FTO: variants seen among roughly 807,000 people sequenced by gnomAD.
FTO encodes FTO alpha-ketoglutarate dependent dioxygenase.
A neutral mutation model predicts 63.9 loss-of-function variants in FTO; 47 were observed. That is an observed-to-expected ratio of 0.74 (90% CI 0.58 to 0.94). The LOEUF (loss-of-function observed/expected upper bound fraction) is 0.94. Among genes scored for constraint, FTO ranks in the 40% least tolerant of loss-of-function variants. FTO has a pLI of 0.00. For synonymous variants in FTO, 207 were observed against 224.4 expected, an observed-to-expected ratio of 0.92 and a Z score of 0.69; for missense variants, 562 against 618.1, an observed-to-expected ratio of 0.91 and a Z score of 0.96.
At chr16:53,885,470 T>A (rs540376422) in intron 6 of FTO, among the ~76,000 whole-genome samples, 1 of 152,208 alleles carries the variant, frequency 6.6e-6, no homozygotes, top group Non-Finnish European at 1.5e-5. Flanking sequence ...AAAATTGTGT[T>A]GGGAGAAGGT....
At chr16:54,015,474 A>G (rs1350978306) in intron 8 of FTO, among the ~76,000 whole-genome samples, 1 of 152,216 alleles carries the variant, frequency 6.6e-6, no homozygotes, top group Non-Finnish European at 1.5e-5. Context: ...CTTATAGTTA[A>G]TAACTAACCA....
intron 8 of FTO, among the ~76,000 whole-genome samples, chr16:54,074,092 G>GT (rs543298381): frequency 4.5e-4 from 68 of 150,530 alleles, no homozygotes; most frequent in Admixed American, 2.1e-3. Flanking sequence ...CTCGAAAACT[G>GT]TTTTTTTTAA....
At chr16:53,902,885 G>A (rs1208781458) in intron 7 of FTO, among the ~76,000 whole-genome samples, 1 of 152,196 alleles carries the variant, frequency 6.6e-6, no homozygotes, top group Admixed American at 6.5e-5. Flanking sequence ...AGACTGAGGG[G>A]CGAGGATCAC....
At chr16:53,922,083 A>G (rs1228500907) in intron 7 of FTO, among the ~76,000 whole-genome samples, 1 of 152,222 alleles carries the variant, frequency 6.6e-6, no homozygotes, top group African/African-American at 2.4e-5. Flanking sequence ...ATAGTAAAAT[A>G]AAAACAGTTT....
At chr16:53,727,062 T>A (rs2076172105) in intron 1 of FTO, among the ~76,000 whole-genome samples, 1 of 152,230 alleles carries the variant, frequency 6.6e-6, no homozygotes, top group Non-Finnish European at 1.5e-5. Context: ...CTTCTTTTCT[T>A]TCTTTCTTTC....
At chr16:53,732,602 C>G (rs1173168591) in intron 1 of FTO, among the ~76,000 whole-genome samples, 1 of 152,138 alleles carries the variant, frequency 6.6e-6, no homozygotes, top group Non-Finnish European at 1.5e-5. Flanking sequence ...TATTAGCAGT[C>G]GTGTCAACAT....
chr16:53,894,635 T>TGTGG (rs1260877406), intron 7 of FTO, among the ~76,000 whole-genome samples: 2 of 151,618 alleles, frequency 1.3e-5, no homozygotes, highest in Non-Finnish European at 2.9e-5. Context: ...CCAATTTTTG[T>TGTGG]GTGTGTGTGT....
chr16:53,723,996 A>C lies in FTO; in HGVS notation c.45+19767A>C, dbSNP rs371141796. Among the ~76,000 whole-genome samples the C allele has an allele frequency of 1.6e-4, 25 of 152,326 alleles. No homozygotes were observed. The East Asian group carries it at 2.5e-3, about 15-fold the overall frequency. ...GCCGAATCATACATTCAGATGAAAG[A>C]TGTTTTAGATATTAAACTTGACATT... On this transcript the variant is annotated intron_variant, in intron 1 of 8. Coordinates refer to ENST00000471389, the MANE Select transcript of FTO (RefSeq NM_001080432.3).
At chr16:53,719,990 C>T (rs182382228) in intron 1 of FTO, among the ~76,000 whole-genome samples, 4 of 152,116 alleles carry the variant, frequency 2.6e-5, no homozygotes, top group Admixed American at 6.5e-5. Flanking sequence ...ACAATAGGTA[C>T]TGAACTAATG....
intron 1 of FTO, among the ~76,000 whole-genome samples, chr16:53,751,769 A>G (rs2076799110): frequency 6.6e-6 from 1 of 152,176 alleles, no homozygotes; most frequent in Non-Finnish European, 1.5e-5. Flanking sequence ...ATTGAATCAT[A>G]TACTATAAGT....
chr16:53,843,072 G>T (rs1187895740), intron 3 of FTO, among the ~76,000 whole-genome samples: 1 of 151,990 alleles, frequency 6.6e-6, no homozygotes, highest in African/African-American at 2.4e-5. Flanking sequence ...TATTTTTGGT[G>T]ACTACATAGT....
chr16:53,794,125 C>T (rs73612051), intron 1 of FTO, among the ~76,000 whole-genome samples: 13,669 of 152,144 alleles, frequency 0.09, 827 homozygotes, highest in African/African-American at 0.18. Flanking sequence ...TGGACATGTA[C>T]CATAGCATTT....
At chr16:54,074,810 A>T (rs1369852816) in intron 8 of FTO, among the ~76,000 whole-genome samples, 1 of 152,102 alleles carries the variant, frequency 6.6e-6, no homozygotes, top group Admixed American at 6.6e-5. Context: ...ATGTTCTTCC[A>T]AAAAGTGCAA....
chr16:53,993,622 G>A (rs2083866006), intron 8 of FTO: 1 of 152,134 alleles, frequency 6.6e-6, no homozygotes, highest in Non-Finnish European at 1.5e-5. Flanking sequence ...TTATTTCTTT[G>A]TTTCTCTCAA....
At chr16:54,065,664 A>G (rs1225798360) in intron 8 of FTO, among the ~76,000 whole-genome samples, 3 of 152,164 alleles carry the variant, frequency 2.0e-5, no homozygotes, top group Non-Finnish European at 4.4e-5. Context: ...TTGCCTTGTC[A>G]CTTTCTGGTT....
At chr16:53,924,871 T>C (rs1394145236) in intron 7 of FTO, among the ~76,000 whole-genome samples, 2 of 152,132 alleles carry the variant, frequency 1.3e-5, no homozygotes, top group Non-Finnish European at 2.9e-5. Context: ...CTGGAAATCT[T>C]TGGTGGTGCC....
intron 1 of FTO, among the ~76,000 whole-genome samples, chr16:53,804,387 C>T (rs962414925): frequency 3.3e-5 from 5 of 152,212 alleles, no homozygotes; most frequent in Non-Finnish European, 5.9e-5. Flanking sequence ...TGAGAATGAG[C>T]GAGTTTGCTT....
chr16:53,902,307 C>A (rs2081423742), intron 7 of FTO, among the ~76,000 whole-genome samples: 1 of 152,102 alleles, frequency 6.6e-6, no homozygotes, highest in Non-Finnish European at 1.5e-5. Context: ...GAGAGGTGAT[C>A]ATCTTCTCTT....
chr16:53,860,881 AACACACACACACACACACAC>A, intron 4 of FTO, among the ~76,000 whole-genome samples: 1 of 145,834 alleles, frequency 6.9e-6, no homozygotes, highest in East Asian at 2.0e-4. Flanking sequence ...AAATGTTTTT[AACACACACACACACACACAC>A]ACACACACAC....
Sources: gnomAD v4.1 joint callset for allele counts (sites outside exome capture counted in the v4.1 genomes callset) on GRCh38, gnomAD v4.1.1 for gene constraint, MANE v1.5 for transcripts, NCBI Gene and HGNC (gene_info 2026-07-23, HGNC 2026-07-21) for gene names.